ZNF7: variants seen among roughly 807,000 people sequenced by gnomAD.
ZNF7 encodes the protein C2-H2 type zinc finger protein.
Under a neutral mutation model 12.0 loss-of-function variants are expected in ZNF7, and 10 were observed. That is an observed-to-expected ratio of 0.83 (90% CI 0.51 to 1.42). The LOEUF (loss-of-function observed/expected upper bound fraction) is 1.42, where lower values mean the gene tolerates loss of function less well. Ranked by LOEUF, ZNF7 falls within the 40% of genes most tolerant of loss-of-function variation. ZNF7 has a pLI of 0.00. For missense variants in ZNF7, 854 were observed against 837.2 expected (o/e 1.02, Z -0.25); for synonymous variants, 334 against 295.0 (o/e 1.13, Z -1.35).
Position 144,843,327 on chromosome 8 carries a change from T to C in ZNF7, c.*159T>C, listed in dbSNP as rs149070948. On this transcript the variant is annotated 3_prime_UTR_variant, in exon 5 of 5. Coordinates refer to ENST00000532777, the MANE Select transcript of ZNF7 (RefSeq NM_003416.4). Reference sequence around the variant, plus strand: ...ACTTCAGGCCGAGTGTGGTGGCTTATGCCTGTCATCCCAGCACTTTGGGAG... The same window carrying C: ...ACTTCAGGCCGAGTGTGGTGGCTTACGCCTGTCATCCCAGCACTTTGGGAG... 0.011 allele frequency: 9,275 copies of C among 878,128 alleles called. 173 individuals are homozygous for C. Among genetic ancestry groups the C allele is most frequent in the Admixed American group, 0.07 (2,186 of 31,166 alleles). The allele number at this position is 878,128 out of a possible 1,614,324, so 54.4% of individuals were successfully genotyped here. A position where few individuals can be genotyped will look rare whatever the true frequency, so the allele number is the denominator to read the frequency against.
chr8:144,827,987 T>A (rs1329630965), intron 1 of ZNF7: 1 of 152,262 alleles, frequency 6.6e-6, no homozygotes, highest in Non-Finnish European at 1.5e-5. Context: ...CCTTTTCTCT[T>A]TCTATTTATT....
chr8:144,840,068 G>A (rs1053477526), intron 4 of ZNF7, among the ~76,000 whole-genome samples: 3 of 152,346 alleles, frequency 2.0e-5, no homozygotes, highest in Admixed American at 6.5e-5. Context: ...CCAAGTAGCC[G>A]GGATTACAGG....
Position 144,842,698 on chromosome 8 carries a change from G to T in ZNF7, c.1591G>T (p.Gly531Ter). The change falls in exon 5 of 5, where the codon GGA becomes TGA. Residue 531 changes from glycine (G) to a stop codon, truncating the protein, a stop_gained. Coordinates refer to ENST00000532777, the MANE Select transcript of ZNF7 (RefSeq NM_003416.4). LOFTEE classifies it low-confidence loss of function (END_TRUNC). ...GAAGCCCTACGAATGCCTCCAATGC[G>T]GAAAAGCCTTCAGTATGAGCACACA... ...GEKPYECLQCGKAFSMSTQLT... is the reference protein window; with the variant it reads ...GEKPYECLQC 6.2e-7 allele frequency: 1 copy of T among 1,614,082 alleles called. No individual in the cohort carries two copies. Among genetic ancestry groups the T allele is most frequent in the Non-Finnish European group, 8.5e-7 (1 of 1,180,006 alleles).
At chr8:144,846,019 C>T, downstream of ZNF7, 1 of 1,536,578 alleles carries the variant, frequency 6.5e-7, no homozygotes. Flanking sequence ...AGCCAAGGCA[C>T]CCACATGCAC....
Position 144,842,752 on chromosome 8 carries a change from G to GGA in ZNF7, c.1651_1652dup (p.Pro552GlyfsTer23). 6.2e-7 allele frequency: 1 copy of GGA among 1,614,206 alleles called. No individual in the cohort carries two copies. The highest frequency in any genetic ancestry group is 8.5e-7 in the Non-Finnish European group (1 of 1,180,040). On this transcript the variant is annotated frameshift_variant, in exon 5 of 5. Coordinates refer to ENST00000532777, the MANE Select transcript of ZNF7 (RefSeq NM_003416.4). LOFTEE classifies it low-confidence loss of function (END_TRUNC). ...TACAATACATCAAAGGGTTCACACTGGAGAGAGGCCCTATAAATGTAATGA... is the reference window on the plus strand; with the variant it reads ...TACAATACATCAAAGGGTTCACACTGGAGAGAGAGGCCCTATAAATGTAATGA...
At chr8:144,830,492 G>A (rs963553705) in intron 3 of ZNF7, among the ~76,000 whole-genome samples, 45 of 152,138 alleles carry the variant, frequency 3.0e-4, no homozygotes, top group African/African-American at 7.2e-4. Context: ...TTCTAGGTCC[G>A]CTGTGTCTTA....
At chr8:144,838,095 C>T (rs1586815833) in intron 4 of ZNF7, 2 of 702,992 alleles carry the variant, frequency 2.8e-6, no homozygotes, top group Admixed American at 2.0e-5. Context: ...CCTGTCCTGC[C>T]TCTCCGGGCA....
chr8:144,839,597 A>G (rs910057710), intron 4 of ZNF7, among the ~76,000 whole-genome samples: 23 of 152,278 alleles, frequency 1.5e-4, no homozygotes, highest in African/African-American at 5.1e-4. Context: ...ACAAAAAAAT[A>G]GAATCCCACA....
At chr8:144,829,853 G>A (rs981258608) in intron 3 of ZNF7, 2 of 363,206 alleles carry the variant, frequency 5.5e-6, no homozygotes, top group African/African-American at 4.1e-5. Context: ...CTGTTAAATT[G>A]TGAGAAATAG....
intron 1 of ZNF7, chr8:144,827,836 C>A: frequency 3.8e-6 from 1 of 265,810 alleles, no homozygotes; most frequent in Non-Finnish European, 5.8e-6. Context: ...GGCCGAGTCT[C>A]GCAGCTCCCC....
chr8:144,837,886 TC>T (rs1350629443), intron 4 of ZNF7: 5 of 574,830 alleles, frequency 8.7e-6, no homozygotes, highest in Non-Finnish European at 1.6e-5. Flanking sequence ...GTAAGCATAT[TC>T]CCTGAGGCAG....
intron 1 of ZNF7, chr8:144,828,051 G>A (rs920176368): frequency 2.0e-5 from 3 of 152,336 alleles, no homozygotes; most frequent in Admixed American, 1.3e-4. Context: ...TGCCTTGGGT[G>A]GGGTAGGCTG....
intron 4 of ZNF7, among the ~76,000 whole-genome samples, chr8:144,839,440 G>A (rs1335827795): frequency 6.6e-6 from 1 of 152,256 alleles, no homozygotes; most frequent in Non-Finnish European, 1.5e-5. Context: ...AGGTGGCCCA[G>A]TTAAAACCCA....
At chr8:144,844,114 C>G (rs916382295), downstream of ZNF7, among the ~76,000 whole-genome samples, 4 of 152,182 alleles carry the variant, frequency 2.6e-5, no homozygotes, top group Non-Finnish European at 5.9e-5. Flanking sequence ...CAGGGGCTTG[C>G]TGTGTGACCT....
intron 4 of ZNF7, among the ~76,000 whole-genome samples, chr8:144,839,010 ACC>A (rs1829482500): frequency 6.8e-6 from 1 of 146,792 alleles, no homozygotes; most frequent in African/African-American, 2.5e-5. Flanking sequence ...AGGGGCTGTG[ACC>A]TTACTTCCAT....
At chr8:144,831,152 C>A in intron 3 of ZNF7, 1 of 367,430 alleles carries the variant, frequency 2.7e-6, no homozygotes. Flanking sequence ...TACACAGTTG[C>A]TGATGTACCA....
At chr8:144,838,143 T>A in intron 4 of ZNF7, 3 of 702,952 alleles carry the variant, frequency 4.3e-6, no homozygotes, top group Non-Finnish European at 7.8e-6. Flanking sequence ...TTCCTTGGCT[T>A]GTGGATGCGT....
chr8:144,839,406 C>A (rs1829557238), intron 4 of ZNF7, among the ~76,000 whole-genome samples: 1 of 152,238 alleles, frequency 6.6e-6, no homozygotes, highest in Non-Finnish European at 1.5e-5. Context: ...TGCTCAGTCT[C>A]CCTGAGAAGG....
chr8:144,846,250 G>A, downstream of ZNF7: 3 of 1,442,526 alleles, frequency 2.1e-6, no homozygotes, highest in Admixed American at 2.1e-5. Context: ...AAAGGGGCTG[G>A]GGTGCAAGCT....
Sources: gnomAD v4.1 joint callset for allele counts (sites outside exome capture counted in the v4.1 genomes callset) on GRCh38, gnomAD v4.1.1 for gene constraint, MANE v1.5 for transcripts, NCBI Gene and HGNC (gene_info 2026-07-23, HGNC 2026-07-21) for gene names.